HTRA1: variants seen among roughly 807,000 people sequenced by gnomAD.
HTRA1 encodes the protein HtrA serine peptidase 1.
In HTRA1, 26 loss-of-function variants were observed where a neutral mutation model predicts 49.7. That is an observed-to-expected ratio of 0.52 (90% CI 0.38 to 0.73). The LOEUF (loss-of-function observed/expected upper bound fraction) is 0.73. HTRA1 is among the 30% of genes least tolerant of loss of function. HTRA1 has a pLI of 0.00. For missense variants in HTRA1, 561 were observed against 667.2 expected, an observed-to-expected ratio of 0.84 and a Z score of 1.75; for synonymous variants, 291 against 286.9, an observed-to-expected ratio of 1.01 and a Z score of -0.14.
intron 3 of HTRA1, among the ~76,000 whole-genome samples, chr10:122,504,612 G>T (rs1490925055): frequency 6.6e-6 from 1 of 152,174 alleles, no homozygotes; most frequent in Non-Finnish European, 1.5e-5. Flanking sequence ...CAAAGGCCTG[G>T]TCTTCCAGCC....
At chr10:122,479,097 C>T (rs1042796917) in intron 1 of HTRA1, among the ~76,000 whole-genome samples, 3 of 152,186 alleles carry the variant, frequency 2.0e-5, no homozygotes, top group Admixed American at 6.5e-5. Context: ...TCTTTTCCCT[C>T]GAATACACTG....
At position 122,487,931 on chromosome 10, in the gene HTRA1, T is replaced by G. The variant is rs917263792; in HGVS notation, c.473-971T>G. Among the ~76,000 whole-genome samples the G allele has an allele frequency of 1.2e-4, 19 of 152,322 alleles. No individual in the cohort carries two copies. In the East Asian group the frequency reaches 3.7e-3, roughly 29 times the overall value. ...GTAGGTATAAAGCATTACAGTTGTT[T>G]GATTTTTCTCTTTTTCTCACCCACA... On this transcript the variant is annotated intron_variant, in intron 1 of 8. Transcript: ENST00000368984. The surrounding 1 kb of genome is among the most constrained non-coding windows in gnomAD (Gnocchi z 4.8).
Position 122,494,501 on chromosome 10 carries a change from T to C in HTRA1, c.777+4875T>C, listed in dbSNP as rs894099472. Among the ~76,000 whole-genome samples, 1 of 152,228 alleles carries C rather than the reference T, an allele frequency of 6.6e-6. No homozygotes were observed. ...TCCTGTCAGGGCTACAGCAGGTCTA[T>C]GGTCTTTGGTAACGGAAAGCGCTGG... On this transcript the variant is annotated intron_variant, in intron 3 of 8. Coordinates refer to ENST00000368984, the MANE Select transcript of HTRA1 (RefSeq NM_002775.5). The surrounding 1 kb of genome is among the most constrained non-coding windows in gnomAD (Gnocchi z 4.0).
At chr10:122,493,723 T>C (rs989525659) in intron 3 of HTRA1, among the ~76,000 whole-genome samples, 6 of 152,206 alleles carry the variant, frequency 3.9e-5, no homozygotes, top group African/African-American at 1.4e-4. Flanking sequence ...CTTCCCATCT[T>C]ATATACAGCC....
At chr10:122,507,967 C>T (rs1202616759) in intron 5 of HTRA1, among the ~76,000 whole-genome samples, 1 of 151,660 alleles carries the variant, frequency 6.6e-6, no homozygotes, top group Non-Finnish European at 1.5e-5. Context: ...AGCTCTGGGG[C>T]CATTTATAGA....
chr10:122,492,404 G>A (rs940262522), intron 3 of HTRA1, among the ~76,000 whole-genome samples: 1 of 152,122 alleles, frequency 6.6e-6, no homozygotes, highest in African/African-American at 2.4e-5. Context: ...CGCCATCTCC[G>A]CTCACTGCAA....
intron 7 of HTRA1, among the ~76,000 whole-genome samples, chr10:122,510,917 A>G (rs1356183346): frequency 6.6e-6 from 1 of 152,196 alleles, no homozygotes; most frequent in Non-Finnish European, 1.5e-5. Flanking sequence ...AGCACTCCAG[A>G]AGATGGAGCC....
At chr10:122,513,687 A>T (rs1213530919) in intron 8 of HTRA1, among the ~76,000 whole-genome samples, 1 of 151,338 alleles carries the variant, frequency 6.6e-6, no homozygotes, top group East Asian at 1.9e-4. Flanking sequence ...TAAAAAAAAA[A>T]ACCTTAAAAA....
intron 1 of HTRA1, among the ~76,000 whole-genome samples, chr10:122,478,573 T>C (rs1174036504): frequency 6.6e-6 from 1 of 151,992 alleles, no homozygotes; most frequent in African/African-American, 2.4e-5. Context: ...TTTGTATTTT[T>C]AGTAGAGACA....
In HTRA1 at chr10:122,506,892, C is replaced by G; in HGVS notation, c.972+7C>G. ...GACCGACGCCATCATCAACGTGAGC[C>G]TCTGTCCCTCTGCGGGTGGGGATTG... is the stretch of plus-strand genomic sequence containing the variant. On this transcript the variant is annotated splice_region_variant and intron_variant, in intron 4 of 8. Transcript: ENST00000368984. The surrounding 1 kb of genome is among the most constrained non-coding windows in gnomAD (Gnocchi z 5.2). 6.2e-7 allele frequency: 1 copy of G among 1,612,570 alleles called. No individual in the cohort carries two copies. The highest frequency in any genetic ancestry group is 2.2e-5 in the East Asian group (1 of 44,862).
In HTRA1 at chr10:122,461,971, G is replaced by A. The variant is rs1023115624; in HGVS notation, c.319G>A (p.Ala107Thr). 1.3e-6 allele frequency: 2 copies of A among 1,509,994 alleles called. No homozygotes were observed. The highest frequency in any genetic ancestry group is 1.4e-5 in the African/African-American group (1 of 69,356). 93.5% of individuals were successfully genotyped at this position (1,509,994 alleles called of 1,614,324 possible). ...GGCCACGGTGCGGCGGCGCGCGCAG[G>A]CCGGCCTCTGTGTGTGCGCCAGCAG... ...ASATVRRRAQ[A>T]GLCVCASSEP... is the part of the protein sequence containing the mutation. The change falls in exon 1 of 9, where the codon GCC (alanine) becomes ACC (threonine). Residue 107 changes from alanine to threonine, a missense_variant. Physicochemically the swap from Ala to Thr is moderately conservative, Grantham distance 58 (BLOSUM62 0). Transcript: ENST00000368984.
At chr10:122,467,774 TA>T (rs146094146) in intron 1 of HTRA1, among the ~76,000 whole-genome samples, 38 of 147,222 alleles carry the variant, frequency 2.6e-4, no homozygotes, top group South Asian at 8.6e-4. Flanking sequence ...TCTCTGCCGT[TA>T]AAAAAAAAAG....
At chr10:122,468,357 C>T (rs1565408756) in intron 1 of HTRA1, among the ~76,000 whole-genome samples, 1 of 152,114 alleles carries the variant, frequency 6.6e-6, no homozygotes, top group Non-Finnish European at 1.5e-5. Context: ...AAGCACTGTG[C>T]CTGATGCATT....
Position 122,506,826 on chromosome 10 carries a change from A to G in HTRA1, c.913A>G (p.Lys305Glu). 2 of 1,613,850 alleles carry G rather than the reference A, an allele frequency of 1.2e-6. No individual in the cohort carries two copies. The highest frequency in any genetic ancestry group is 2.2e-5 in the South Asian group (2 of 91,054). The change falls in exon 4 of 9, where the codon AAA becomes GAA. Residue 305 changes from lysine (K) to glutamate (E), a missense_variant. Around this residue, in one of 3 missense-constraint regions of HTRA1, gnomAD observed 271 missense variants for 410.0 expected, o/e 0.66. Coordinates refer to ENST00000368984, the MANE Select transcript of HTRA1 (RefSeq NM_002775.5). The surrounding 1 kb of genome is among the most constrained non-coding windows in gnomAD (Gnocchi z 5.2). ...CGTGAGCACCACCCAGCGAGGCGGC[A>G]AAGAGCTGGGGCTCCGCAACTCAGA... is the stretch of plus-strand genomic sequence containing the variant. The part of the protein sequence containing the change: ...GIVSTTQRGG[K>E]ELGLRNSDMD...
In HTRA1 at chr10:122,507,366, G is replaced by C; in HGVS notation, c.973-4G>C. On this transcript the variant is annotated splice_polypyrimidine_tract_variant and splice_region_variant and intron_variant, in intron 4 of 8. Transcript: ENST00000368984. Reference sequence around the variant, plus strand: ...GTAACCTTTTCATTTCTGTTTAATTGCAGTATGGAAACTCGGGAGGCCCGT... The same window carrying C: ...GTAACCTTTTCATTTCTGTTTAATTCCAGTATGGAAACTCGGGAGGCCCGT... 1 of 1,610,090 alleles carries C rather than the reference G, an allele frequency of 6.2e-7. No individual in the cohort carries two copies. Among genetic ancestry groups the C allele is most frequent in the South Asian group, 1.1e-5 (1 of 90,978 alleles).
intron 1 of HTRA1, among the ~76,000 whole-genome samples, chr10:122,475,472 G>A (rs2672589): frequency 0.64 from 97,927 of 152,250 alleles, 31,799 homozygotes; most frequent in East Asian, 0.76. Context: ...TTGTTTCTAT[G>A]CAAAAGACAG....
At chr10:122,502,969 G>A (rs191900538) in intron 3 of HTRA1, among the ~76,000 whole-genome samples, 67 of 152,332 alleles carry the variant, frequency 4.4e-4, no homozygotes, top group African/African-American at 1.5e-3. Flanking sequence ...CTTTTCATCC[G>A]TCAGTGGGGG....
At chr10:122,489,658 C>T (rs757411542) in intron 3 of HTRA1, 32 bp downstream of exon 3, 14 of 1,594,116 alleles carry the variant, frequency 8.8e-6, no homozygotes, top group Admixed American at 3.4e-5. Flanking sequence ...GAGGTGAGTT[C>T]TCAGATGCCC....
At chr10:122,467,029 TGCATTGA>T (rs2133908450) in intron 1 of HTRA1, among the ~76,000 whole-genome samples, 1 of 152,340 alleles carries the variant, frequency 6.6e-6, no homozygotes, top group Non-Finnish European at 1.5e-5. Flanking sequence ...TTAAAATAAC[TGCATTGA>T]GTAAGTGATG....
Sources: allele counts gnomAD v4.1 joint callset (sites outside exome capture counted in the v4.1 genomes callset), GRCh38; gene constraint gnomAD v4.1.1; regional missense constraint gnomAD v4.1.1; non-coding constraint Gnocchi (gnomAD v3.1); transcripts MANE v1.5; gene names NCBI Gene and HGNC (gene_info 2026-07-23, HGNC 2026-07-21).